The following UBR3 variants were observed in gnomAD, a reference collection of about 807,000 sequenced individuals.
UBR3 encodes E3 ubiquitin-protein ligase UBR3.
A neutral mutation model predicts 243.2 loss-of-function variants in UBR3; 85 were observed. The observed-to-expected ratio is 0.35, with a 90% confidence interval of 0.29 to 0.42. UBR3 has a LOEUF of 0.42. Among genes scored for constraint, UBR3 ranks in the 10% least tolerant of loss-of-function variants. The pLI is 1.00. For missense variants in UBR3, 1,686 were observed against 2,300.8 expected, an observed-to-expected ratio of 0.73 and a Z score of 5.47; for synonymous variants, 748 against 799.8, an observed-to-expected ratio of 0.94 and a Z score of 1.09.
intron 5 of UBR3, among the ~76,000 whole-genome samples, chr2:169,890,559 ATATATGTG>A (rs2084313220): frequency 2.8e-5 from 3 of 105,810 alleles, no homozygotes; most frequent in Non-Finnish European, 5.6e-5. Context: ...ATATATATAT[ATATATGTG>A]TATATATATA....
intron 1 of UBR3, among the ~76,000 whole-genome samples, chr2:169,847,866 C>T (rs2105290456): frequency 6.6e-6 from 1 of 152,310 alleles, no homozygotes; most frequent in South Asian, 2.1e-4. Context: ...AGTTTCCATA[C>T]AGTTATGTGC....
At position 170,080,615 on chromosome 2, in the gene UBR3, G is replaced by A; in HGVS notation, c.5480G>A (p.Arg1827Gln). The change falls in exon 38 of 39, where the codon CGA becomes CAA. Residue 1827 changes from arginine to glutamine, a missense_variant. By Grantham distance (43) the Arg-to-Gln change is conservative. This residue lies in a region of UBR3 where 89 missense variants were observed against 183.3 expected (regional missense o/e 0.49). Transcript: ENST00000272793. Reference protein sequence around the residue: ...LINASVIIIIRGHRFCLWGSV... With the variant: ...LINASVIIIIQGHRFCLWGSV... Reference sequence around the variant, plus strand: ...AATGCATCGGTAATTATCATCATTCGAGGTCACCGCTTCTGCCTCTGGGGT... The same window carrying A: ...AATGCATCGGTAATTATCATCATTCAAGGTCACCGCTTCTGCCTCTGGGGT... The A allele has an allele frequency of 6.2e-7, 1 of 1,613,892 alleles. No individual in the cohort carries two copies. Among genetic ancestry groups the A allele is most frequent in the Non-Finnish European group, 8.5e-7 (1 of 1,179,910 alleles).
chr2:170,051,461 C>T (rs917767462), intron 32 of UBR3, among the ~76,000 whole-genome samples: 10 of 152,172 alleles, frequency 6.6e-5, no homozygotes, highest in Non-Finnish European at 1.3e-4. Flanking sequence ...TTTCCTGCCT[C>T]AGCCTTCCAA....
At chr2:169,890,546 T>TATATATATATAC (rs2084303566) in intron 5 of UBR3, among the ~76,000 whole-genome samples, 2 of 56,108 alleles carry the variant, frequency 3.6e-5, no homozygotes, top group African/African-American at 1.3e-4. Flanking sequence ...GAGAGATATA[T>TATATATATATAC]ATATATATAT....
intron 33 of UBR3, among the ~76,000 whole-genome samples, chr2:170,057,637 A>G (rs910329469): frequency 1.1e-4 from 17 of 152,122 alleles, no homozygotes; most frequent in African/African-American, 4.1e-4. Flanking sequence ...TAAATCTATG[A>G]AGGGAGGAAC....
chr2:169,922,701 C>T (rs2085754499), intron 11 of UBR3, among the ~76,000 whole-genome samples: 1 of 152,082 alleles, frequency 6.6e-6, no homozygotes, highest in South Asian at 2.1e-4. Context: ...CATATAGTTA[C>T]TGTCTTTTTG....
intron 24 of UBR3, among the ~76,000 whole-genome samples, chr2:169,966,682 C>T (rs1453233454): frequency 6.6e-6 from 1 of 152,176 alleles, no homozygotes; most frequent in African/African-American, 2.4e-5. Flanking sequence ...TACTTAACTT[C>T]TCTCTACCTC....
Position 169,906,232 on chromosome 2 carries a change from C to T in UBR3, c.1779+68C>T, listed in dbSNP as rs2105333861. 3.4e-6 allele frequency: 5 copies of T among 1,479,434 alleles called. No homozygotes were observed. The South Asian group carries it at 6.9e-5, about 20-fold the overall frequency. 91.6% of individuals were successfully genotyped at this position (1,479,434 alleles called of 1,614,324 possible). A position where few individuals can be genotyped will look rare whatever the true frequency, so the allele number is the denominator to read the frequency against. ...AGACTTGTGAAAATATTGGTTTGTT[C>T]ATTTGTATATAATGTGCAGTGTTTA... On this transcript the variant is annotated intron_variant, in intron 10 of 38. Transcript: ENST00000272793.
chr2:169,988,765 G>A (rs73017665), intron 25 of UBR3, among the ~76,000 whole-genome samples: 6,514 of 152,126 alleles, frequency 0.043, 155 homozygotes, highest in Middle Eastern at 0.061. Context: ...TTGCACTCTA[G>A]CCTGCGTGAT....
intron 1 of UBR3, among the ~76,000 whole-genome samples, chr2:169,838,384 CATTTGTGT>C (rs1322550906): frequency 2.1e-4 from 28 of 133,522 alleles, no homozygotes; most frequent in African/African-American, 7.0e-4. Context: ...AAGATTAAGG[CATTTGTGT>C]GTGTGTGTGT....
chr2:169,915,726 A>G (rs2085437162), intron 11 of UBR3, among the ~76,000 whole-genome samples: 1 of 152,232 alleles, frequency 6.6e-6, no homozygotes, highest in African/African-American at 2.4e-5. Flanking sequence ...GGTACCTGCT[A>G]GACTCCTTCA....
intron 1 of UBR3, among the ~76,000 whole-genome samples, chr2:169,854,245 C>T (rs1026775235): frequency 6.6e-6 from 1 of 152,098 alleles, no homozygotes; most frequent in African/African-American, 2.4e-5. Context: ...AAATTCTTGT[C>T]AGAAATATAC....
chr2:169,944,683 CT>C (rs60784053), intron 20 of UBR3, among the ~76,000 whole-genome samples: 208 of 144,246 alleles, frequency 1.4e-3, no homozygotes, highest in Admixed American at 1.5e-3. Flanking sequence ...ATTTTTATTT[CT>C]TTTTTTTTTT....
chr2:169,940,454 G>A (rs536098570), intron 19 of UBR3, among the ~76,000 whole-genome samples: 1 of 152,250 alleles, frequency 6.6e-6, no homozygotes, highest in East Asian at 1.9e-4. Flanking sequence ...TATTTGCTAT[G>A]TGACAAGTGA....
intron 26 of UBR3, among the ~76,000 whole-genome samples, chr2:169,996,873 A>G (rs538515920): frequency 2.7e-4 from 40 of 150,874 alleles, no homozygotes; most frequent in Non-Finnish European, 4.3e-4. Context: ...CTAATTTTTT[A>G]TATTTTTAGT....
intron 38 of UBR3, among the ~76,000 whole-genome samples, chr2:170,081,069 C>CTG (rs2091896847): frequency 6.6e-6 from 1 of 152,106 alleles, no homozygotes; most frequent in African/African-American, 2.4e-5. Context: ...GGTCATACAC[C>CTG]TGTGGTCCCA....
At chr2:169,967,834 A>G (rs1403416327) in intron 24 of UBR3, among the ~76,000 whole-genome samples, 1 of 152,008 alleles carries the variant, frequency 6.6e-6, no homozygotes, top group Non-Finnish European at 1.5e-5. Context: ...TACCATTTAT[A>G]TAAGAAGTAG....
intron 1 of UBR3, among the ~76,000 whole-genome samples, chr2:169,869,520 A>G (rs73024477): frequency 0.043 from 6,565 of 152,202 alleles, 164 homozygotes; most frequent in Middle Eastern, 0.068. Context: ...CACCTCACCC[A>G]GCAGATTGAT....
chr2:169,958,474 T>A lies in UBR3; in HGVS notation c.3582T>A (p.Leu1194=). ...QKARERQQKL[L]AEFASRQKSF... is the part of the protein sequence containing the mutation. ...CTAGAGAGAGGCAGCAGAAATTGCT[T>A]GCGGAGTTTGCTTCACGACAGAAAA... is the stretch of plus-strand genomic sequence containing the variant. The change falls in exon 24 of 39, where the codon CTT becomes CTA. Residue 1194 remains leucine (L), a synonymous_variant. Coordinates refer to ENST00000272793, the MANE Select transcript of UBR3 (RefSeq NM_172070.4). 6.2e-7 allele frequency: 1 copy of A among 1,613,230 alleles called. No homozygotes were observed. Among genetic ancestry groups the A allele is most frequent in the Non-Finnish European group, 8.5e-7 (1 of 1,179,398 alleles).
Sources: allele counts gnomAD v4.1 joint callset (sites outside exome capture counted in the v4.1 genomes callset), GRCh38; gene constraint gnomAD v4.1.1; regional missense constraint gnomAD v4.1.1; transcripts MANE v1.5; gene names NCBI Gene and HGNC (gene_info 2026-07-23, HGNC 2026-07-21).